The following DHDDS variants were observed in gnomAD, a reference collection of about 807,000 sequenced individuals.
The protein encoded by DHDDS is dehydrodolichyl diphosphate synthase subunit, also known as dehydrodolichyl diphosphate synthase complex subunit DHDDS.
DHDDS carries 16 observed loss-of-function variants against 46.2 expected under a neutral mutation model. The observed-to-expected ratio is 0.35, with a 90% confidence interval of 0.23 to 0.53. DHDDS has a LOEUF of 0.53. Among genes scored for constraint, DHDDS ranks in the 20% least tolerant of loss-of-function variants. The probability of loss-of-function intolerance (pLI) is 0.94; values close to 1 mark genes in which losing one functional copy is unlikely to be tolerated. For missense variants in DHDDS, 340 were observed against 423.7 expected, an observed-to-expected ratio of 0.80 and a Z score of 1.73; for synonymous variants, 151 against 163.1, an observed-to-expected ratio of 0.93 and a Z score of 0.56.
At chr1:26,432,634 CAGA>C (rs897915332) in intron 1 of DHDDS, 10 of 409,332 alleles carry the variant, frequency 2.4e-5, no homozygotes, top group African/African-American at 2.0e-4. Context: ...CTTAGATGTT[CAGA>C]AGAAGTCAGT....
At chr1:26,447,299 G>A (rs905755391) in intron 5 of DHDDS, among the ~76,000 whole-genome samples, 7 of 151,824 alleles carry the variant, frequency 4.6e-5, no homozygotes, top group African/African-American at 1.2e-4. Context: ...CAGCCTGGGC[G>A]ACAAGAGCAA....
At chr1:26,468,776 C>A (rs1455372603) in intron 8 of DHDDS, 119 bp from the exon 9 acceptor site, 3 of 1,401,996 alleles carry the variant, frequency 2.1e-6, no homozygotes, top group Non-Finnish European at 2.9e-6. Flanking sequence ...CTGGTACCTA[C>A]TTTCCACTGT....
chr1:26,442,200 C>A (rs920631245), intron 3 of DHDDS, among the ~76,000 whole-genome samples: 8 of 152,144 alleles, frequency 5.3e-5, no homozygotes, highest in African/African-American at 1.9e-4. Flanking sequence ...TATGTGAAAA[C>A]CCTTTGCAGG....
intron 8 of DHDDS, among the ~76,000 whole-genome samples, chr1:26,465,271 C>T (rs1421811662): frequency 2.6e-5 from 4 of 152,318 alleles, no homozygotes; most frequent in South Asian, 4.1e-4. Flanking sequence ...ACAATTTAAA[C>T]GGGCTGGATT....
intron 8 of DHDDS, among the ~76,000 whole-genome samples, chr1:26,464,303 A>G (rs934939635): frequency 1.3e-5 from 2 of 152,116 alleles, no homozygotes; most frequent in African/African-American, 4.8e-5. Flanking sequence ...TATATTTGCA[A>G]ACTTTTATTG....
intron 8 of DHDDS, among the ~76,000 whole-genome samples, chr1:26,461,473 C>T (rs1030230609): frequency 6.6e-6 from 1 of 151,810 alleles, no homozygotes; most frequent in Non-Finnish European, 1.5e-5. Context: ...GAAACCTCCG[C>T]CTCCCGGGTT....
intron 2 of DHDDS, among the ~76,000 whole-genome samples, chr1:26,435,622 T>G (rs1181207733): frequency 1.3e-5 from 2 of 150,246 alleles, no homozygotes; most frequent in African/African-American, 4.9e-5. Flanking sequence ...TTTTGTTTTT[T>G]TCTTTTTTCC....
At chr1:26,441,398 C>T (rs886473314) in intron 3 of DHDDS, among the ~76,000 whole-genome samples, 17 of 152,028 alleles carry the variant, frequency 1.1e-4, no homozygotes, top group Admixed American at 2.6e-4. Flanking sequence ...TGGGGTTTCA[C>T]CATGTTGGCC....
Position 26,460,768 on chromosome 1 carries a change from T to C in DHDDS, c.765+624T>C, listed in dbSNP as rs528895032. ...AGGTGATTTCATGTAAGTTTTCTTA[T>C]TTAACCTAACAACCCAGCAGTTTTG... is the stretch of plus-strand genomic sequence containing the variant. On this transcript the variant is annotated intron_variant, in intron 8 of 8. Coordinates refer to ENST00000236342, the MANE Select transcript of DHDDS (RefSeq NM_205861.3). 3.9e-4 allele frequency among the ~76,000 whole-genome samples: 60 copies of C among 152,336 alleles called. 1 individual carries two copies. Among genetic ancestry groups the C allele is most frequent in the African/African-American group, 1.4e-3 (58 of 41,566 alleles).
At position 26,470,232 on chromosome 1, in the gene DHDDS, C is replaced by CTT; in HGVS notation, c.*1102_*1103insTT. The CTT allele has an allele frequency of 6.6e-6, 1 of 152,210 alleles. No homozygotes were observed. The highest frequency in any genetic ancestry group is 6.5e-5 in the Admixed American group (1 of 15,286). 9.4% of individuals were successfully genotyped at this position (152,210 alleles called of 1,614,324 possible). A position where few individuals can be genotyped will look rare whatever the true frequency, so the allele number is the denominator to read the frequency against. The stretch of plus-strand genomic sequence containing the variant: ...TGAAGAGCTGTCTGCCTGAGCAACT[C>CTT]TATTTCAGGTGCCCCACACCGGCAA... On this transcript the variant is annotated 3_prime_UTR_variant, in exon 9 of 9. Coordinates refer to ENST00000236342, the MANE Select transcript of DHDDS (RefSeq NM_205861.3).
At chr1:26,435,609 T>C (rs1243616128) in intron 2 of DHDDS, among the ~76,000 whole-genome samples, 4 of 151,408 alleles carry the variant, frequency 2.6e-5, no homozygotes, top group Non-Finnish European at 5.9e-5. Context: ...GGCTAATTTT[T>C]GTTTTTGTTT....
At position 26,469,200 on chromosome 1, in the gene DHDDS, G is replaced by T. The variant is rs999697797; in HGVS notation, c.*69G>T. ...GGGCTCCACTCCCCTTCCTTTTCTTGGTGAAAGGCACCTCCTTTCCTGATA... is the reference window on the plus strand; with the variant it reads ...GGGCTCCACTCCCCTTCCTTTTCTTTGTGAAAGGCACCTCCTTTCCTGATA... On this transcript the variant is annotated 3_prime_UTR_variant, in exon 9 of 9. Coordinates refer to ENST00000236342, the MANE Select transcript of DHDDS (RefSeq NM_205861.3). The T allele has an allele frequency of 6.2e-7, 1 of 1,606,232 alleles. No individual in the cohort carries two copies. Among genetic ancestry groups the T allele is most frequent in the Non-Finnish European group, 8.5e-7 (1 of 1,179,838 alleles).
intron 8 of DHDDS, among the ~76,000 whole-genome samples, chr1:26,468,336 C>G (rs2075514242): frequency 6.6e-6 from 1 of 152,064 alleles, no homozygotes; most frequent in Admixed American, 6.6e-5. Flanking sequence ...CAGAGGAAAA[C>G]CTGGGGAGAT....
At chr1:26,455,306 T>G in intron 6 of DHDDS, 2 of 525,716 alleles carry the variant, frequency 3.8e-6, no homozygotes, top group Non-Finnish European at 6.9e-6. Flanking sequence ...ATTAAGACCA[T>G]GCTGCCAAGA....
chr1:26,433,015 A>C lies in DHDDS; in HGVS notation c.63+7A>C, dbSNP rs766617452. 6.2e-7 allele frequency: 1 copy of C among 1,614,226 alleles called. No individual in the cohort carries two copies. Among genetic ancestry groups the C allele is most frequent in the Admixed American group, 1.7e-5 (1 of 60,024 alleles). ...CTGTGCCAACATCATAAAGGTGAGC[A>C]ATGGCCCAGAGCACCGGTTGGCCTT... On this transcript the variant is annotated splice_region_variant and intron_variant, in intron 2 of 8. Transcript: ENST00000236342.
chr1:26,449,336 A>G (rs1182346022), intron 6 of DHDDS, among the ~76,000 whole-genome samples: 2 of 151,454 alleles, frequency 1.3e-5, no homozygotes, highest in African/African-American at 4.8e-5. Context: ...CCCAACCTCA[A>G]GTGATCTGTC....
chr1:26,466,295 GT>G (rs2075485561), intron 8 of DHDDS: 1 of 152,190 alleles, frequency 6.6e-6, no homozygotes, highest in Admixed American at 6.5e-5. Context: ...TTTCCCAAGG[GT>G]AAGTACTTGA....
intron 2 of DHDDS, 113 bp from the exon 3 acceptor site, chr1:26,438,055 C>T (rs2075178948): frequency 9.4e-7 from 1 of 1,065,752 alleles, no homozygotes; most frequent in Non-Finnish European, 1.5e-6. Context: ...TACCCAATTC[C>T]CTTCGTCAGG....
intron 8 of DHDDS, 85 bp from the exon 9 acceptor site, chr1:26,468,810 T>G: frequency 8.9e-6 from 11 of 1,229,646 alleles, no homozygotes; most frequent in African/African-American, 1.5e-5. Flanking sequence ...GCCCACCCTG[T>G]GCCCCACCCC....
Sources: allele counts gnomAD v4.1 joint callset (sites outside exome capture counted in the v4.1 genomes callset), GRCh38; gene constraint gnomAD v4.1.1; transcripts MANE v1.5; gene names NCBI Gene and HGNC (gene_info 2026-07-23, HGNC 2026-07-21).